The following CLEC2L variants were observed in gnomAD, a reference collection of about 807,000 sequenced individuals.
CLEC2L encodes the protein C-type lectin domain family 2, member L.
In CLEC2L, 14 loss-of-function variants were observed where a neutral mutation model predicts 23.6. The ratio of observed to expected loss-of-function variants is 0.59; its 90% CI spans 0.39 to 0.93. The LOEUF is 0.93. Ranked by LOEUF, CLEC2L falls within the 40% of genes least tolerant of loss-of-function variation. The pLI, the probability that CLEC2L is intolerant of heterozygous loss-of-function variation, is 0.00. For missense variants in CLEC2L, 264 were observed against 282.4 expected, an observed-to-expected ratio of 0.93 and a Z score of 0.47; for synonymous variants, 114 against 121.3, an observed-to-expected ratio of 0.94 and a Z score of 0.40.
chr7:139,544,306 C>CT lies in CLEC2L; in HGVS notation c.609_610insT (p.Arg204SerfsTer84). 1 of 1,613,238 alleles carries CT rather than the reference C, an allele frequency of 6.2e-7. No homozygotes were observed. The highest frequency in any genetic ancestry group is 8.5e-7 in the Non-Finnish European group (1 of 1,179,596). On this transcript the variant is annotated frameshift_variant, in exon 5 of 5. Coordinates refer to ENST00000422142, the MANE Select transcript of CLEC2L (RefSeq NM_001080511.4). LOFTEE classifies it high-confidence loss of function. ...TGGTGTCGACGGAGTGTCTGATGAC[C>CT]CGGCCCTGGGTGTGCAGCAAGATGG...
chr7:139,543,204 T>G (rs1326988076), intron 4 of CLEC2L, among the ~76,000 whole-genome samples: 2 of 152,154 alleles, frequency 1.3e-5, no homozygotes, highest in Non-Finnish European at 2.9e-5. Context: ...TTTCCTTATC[T>G]CAAGCACTCT....
rs995706335 is a variant in CLEC2L at position 139,544,691 on chromosome 7, C to T, written c.*349C>T. On this transcript the variant is annotated 3_prime_UTR_variant, in exon 5 of 5. Coordinates refer to ENST00000422142, the MANE Select transcript of CLEC2L (RefSeq NM_001080511.4). ...GCCACCCCACAGATCTCTCTCCGGC[C>T]CCCTAGAAGCCCTCTCCTCACTGCA... 2.6e-4 allele frequency: 52 copies of T among 199,596 alleles called. No homozygotes were observed. Among genetic ancestry groups the T allele is most frequent in the African/African-American group, 1.1e-3 (48 of 43,352 alleles). 12.4% of individuals were successfully genotyped at this position (199,596 alleles called of 1,614,324 possible).
chr7:139,527,753 C>G (rs2116543932), intron 1 of CLEC2L, among the ~76,000 whole-genome samples: 1 of 152,230 alleles, frequency 6.6e-6, no homozygotes, highest in South Asian at 2.1e-4. Context: ...TTAGTGCTCA[C>G]CGATTCTGAA....
chr7:139,537,100 C>G (rs539483709), intron 2 of CLEC2L, among the ~76,000 whole-genome samples: 1 of 151,038 alleles, frequency 6.6e-6, no homozygotes, highest in African/African-American at 2.4e-5. Flanking sequence ...ACTGTCTCCT[C>G]TGTCCAGGGG....
intron 2 of CLEC2L, among the ~76,000 whole-genome samples, chr7:139,537,822 G>A (rs1340464879): frequency 6.6e-6 from 1 of 152,194 alleles, no homozygotes; most frequent in Admixed American, 6.5e-5. Flanking sequence ...AGTGGAAGAG[G>A]CCTGAGAAAC....
intron 4 of CLEC2L, among the ~76,000 whole-genome samples, chr7:139,543,259 A>C (rs1797763430): frequency 6.7e-6 from 1 of 150,158 alleles, no homozygotes; most frequent in Non-Finnish European, 1.5e-5. Flanking sequence ...TCCTTATCTC[A>C]CCCCCTTTCC....
chr7:139,543,022 C>T (rs1373949704), intron 4 of CLEC2L, among the ~76,000 whole-genome samples: 2 of 152,092 alleles, frequency 1.3e-5, no homozygotes, highest in Admixed American at 6.5e-5. Context: ...GATGATGATG[C>T]GTGAACGTCC....
chr7:139,544,420 G>A lies in CLEC2L; in HGVS notation c.*78G>A, dbSNP rs889487296. The A allele has an allele frequency of 5.7e-6, 6 of 1,059,114 alleles. No individual in the cohort carries two copies. Among genetic ancestry groups the A allele is most frequent in the Non-Finnish European group, 8.5e-6 (6 of 709,310 alleles). 65.6% of individuals were successfully genotyped at this position (1,059,114 alleles called of 1,614,324 possible). A position where few individuals can be genotyped will look rare whatever the true frequency, so the allele number is the denominator to read the frequency against. Reference sequence around the variant, plus strand: ...TGTCTGCTCAAGACCTGCTTCCAGCGGAGCCGCCTGCCCTCTGCAAGGCGA... The same window carrying A: ...TGTCTGCTCAAGACCTGCTTCCAGCAGAGCCGCCTGCCCTCTGCAAGGCGA... On this transcript the variant is annotated 3_prime_UTR_variant, in exon 5 of 5. Coordinates refer to ENST00000422142, the MANE Select transcript of CLEC2L (RefSeq NM_001080511.4).
intron 1 of CLEC2L, among the ~76,000 whole-genome samples, chr7:139,524,900 G>A (rs116687599): frequency 0.01 from 1,549 of 152,272 alleles, 27 homozygotes; most frequent in African/African-American, 0.036. Context: ...GAAGCCTGGA[G>A]CCTGGATCAC....
intron 2 of CLEC2L, among the ~76,000 whole-genome samples, 184 bp downstream of exon 2, chr7:139,536,532 T>C (rs1797659279): frequency 6.6e-6 from 1 of 152,210 alleles, no homozygotes; most frequent in South Asian, 2.1e-4. Context: ...ACACAGACTA[T>C]ACATGTCCCC....
At position 139,540,605 on chromosome 7, in the gene CLEC2L, C is replaced by T. The variant is rs552571310; in HGVS notation, c.432+118C>T. The T allele has an allele frequency of 2.9e-4, 351 of 1,197,258 alleles. 4 individuals are homozygous for T. The South Asian group carries it at 4.4e-3, about 15-fold the overall frequency. The allele number at this position is 1,197,258 out of a possible 1,614,324, so 74.2% of individuals were successfully genotyped here. ...TGTTCCCTGTGACACGTCTCCAAAGCCGCCCACCTGCTGCATAACCACTTG... is the reference window on the plus strand; with the variant it reads ...TGTTCCCTGTGACACGTCTCCAAAGTCGCCCACCTGCTGCATAACCACTTG... On this transcript the variant is annotated intron_variant, in intron 3 of 4. Coordinates refer to ENST00000422142, the MANE Select transcript of CLEC2L (RefSeq NM_001080511.4). This position sits in a 1 kb window ranked among gnomAD's most constrained non-coding sequence, Gnocchi z 5.8.
intron 4 of CLEC2L, among the ~76,000 whole-genome samples, 163 bp downstream of exon 4, chr7:139,542,284 TCTGTA>T (rs1407202545): frequency 1.3e-5 from 2 of 152,178 alleles, no homozygotes; most frequent in African/African-American, 2.4e-5. Flanking sequence ...CATGAAAATG[TCTGTA>T]CTTCTCCCTC....
chr7:139,527,161 G>A (rs565769860), intron 1 of CLEC2L, among the ~76,000 whole-genome samples: 45 of 152,326 alleles, frequency 3.0e-4, no homozygotes, highest in Admixed American at 8.5e-4. Context: ...AGGGGGGCTG[G>A]TGAGTGTTCT....
chr7:139,537,807 T>C (rs961079763), intron 2 of CLEC2L, among the ~76,000 whole-genome samples: 2 of 152,140 alleles, frequency 1.3e-5, no homozygotes, highest in African/African-American at 4.8e-5. Context: ...AAATAGAACA[T>C]GCTAAGTGGA....
chr7:139,540,588 G>A lies in CLEC2L; in HGVS notation c.432+101G>A. Reference sequence around the variant, plus strand: ...CACAGTAAAGGATGCAGTGTTCCCTGTGACACGTCTCCAAAGCCGCCCACC... The same window carrying A: ...CACAGTAAAGGATGCAGTGTTCCCTATGACACGTCTCCAAAGCCGCCCACC... On this transcript the variant is annotated intron_variant, in intron 3 of 4. Coordinates refer to ENST00000422142, the MANE Select transcript of CLEC2L (RefSeq NM_001080511.4). The surrounding 1 kb of genome is among the most constrained non-coding windows in gnomAD (Gnocchi z 5.8). The A allele has an allele frequency of 1.5e-6, 2 of 1,377,954 alleles. No individual in the cohort carries two copies. Among genetic ancestry groups the A allele is most frequent in the South Asian group, 2.5e-5 (2 of 78,910 alleles). 85.4% of individuals were successfully genotyped at this position (1,377,954 alleles called of 1,614,324 possible).
At chr7:139,533,986 G>A (rs116277254) in intron 1 of CLEC2L, among the ~76,000 whole-genome samples, 1,743 of 152,226 alleles carry the variant, frequency 0.011, 37 homozygotes, top group African/African-American at 0.039. Context: ...ACTTAACTGT[G>A]CACTCAATGG....
chr7:139,537,459 A>G (rs1797675685), intron 2 of CLEC2L, among the ~76,000 whole-genome samples: 1 of 152,226 alleles, frequency 6.6e-6, no homozygotes. Context: ...GAATTGAGGG[A>G]AGTGACTAGG....
chr7:139,524,444 ACAGG>A (rs1290005391), intron 1 of CLEC2L, among the ~76,000 whole-genome samples: 1 of 152,218 alleles, frequency 6.6e-6, no homozygotes, highest in Non-Finnish European at 1.5e-5. Context: ...CACCCACCAG[ACAGG>A]CGTGTTGAGA....
intron 4 of CLEC2L, among the ~76,000 whole-genome samples, chr7:139,543,569 G>A (rs182882317): frequency 7.8e-4 from 119 of 152,338 alleles, no homozygotes; most frequent in African/African-American, 2.7e-3. Context: ...AACCTCTGAG[G>A]CTGGAAAGGG....
Sources: allele counts gnomAD v4.1 joint callset (sites outside exome capture counted in the v4.1 genomes callset), GRCh38; gene constraint gnomAD v4.1.1; non-coding constraint Gnocchi (gnomAD v3.1); transcripts MANE v1.5; gene names NCBI Gene and HGNC (gene_info 2026-07-23, HGNC 2026-07-21).